PPEF2: variants seen among roughly 807,000 people sequenced by gnomAD.
PPEF2 encodes the protein serine/threonine-protein phosphatase with EF-hands 2.
In PPEF2, 84 loss-of-function variants were observed where a neutral mutation model predicts 84.7. That is an observed-to-expected ratio of 0.99 (90% CI 0.83 to 1.19). PPEF2 has a LOEUF of 1.19. Among genes scored for constraint, PPEF2 ranks in the 50% most tolerant of loss-of-function variants. PPEF2 has a pLI of 0.00. For missense variants in PPEF2, 924 were observed against 937.5 expected (o/e 0.99, Z 0.19); for synonymous variants, 346 against 345.2 (o/e 1.00, Z -0.03).
chr4:75,892,183 C>T (rs1724906681), intron 2 of PPEF2, among the ~76,000 whole-genome samples: 1 of 152,222 alleles, frequency 6.6e-6, no homozygotes, highest in Non-Finnish European at 1.5e-5. Context: ...CCCTCCCCTT[C>T]ATTCCTGCCT....
intron 10 of PPEF2, among the ~76,000 whole-genome samples, chr4:75,879,973 C>A (rs1208188506): frequency 6.6e-6 from 1 of 151,662 alleles, no homozygotes; most frequent in Non-Finnish European, 1.5e-5. Context: ...GGAGTATAGG[C>A]GCGCGTCACC....
intron 11 of PPEF2, 81 bp from the exon 12 acceptor site, chr4:75,873,393 G>A: frequency 1.6e-5 from 20 of 1,263,456 alleles, no homozygotes; most frequent in Non-Finnish European, 2.2e-5. Context: ...AGGAAGAGGA[G>A]GAGGAAAATA....
chr4:75,879,828 A>G (rs1001196954), intron 10 of PPEF2, among the ~76,000 whole-genome samples: 1 of 92,476 alleles, frequency 1.1e-5, no homozygotes, highest in Non-Finnish European at 2.4e-5. Flanking sequence ...AAATGTTATT[A>G]TTTACTTTTA....
intron 7 of PPEF2, among the ~76,000 whole-genome samples, chr4:75,885,809 GA>G (rs1211638541): frequency 1.3e-5 from 2 of 152,158 alleles, no homozygotes; most frequent in African/African-American, 2.4e-5. Flanking sequence ...AGGAGTTCGA[GA>G]CCAGCCCGGC....
chr4:75,864,519 T>G lies in PPEF2; in HGVS notation c.1929A>C (p.Gln643His). ...GATACAATGTTTCCAGCAAACTTGA[T>G]TGTATGTTCTGCAAGAAAAAATTCA... ...AKEQLSRENIQSSLLETLYRN... is the reference protein window; with the variant it reads ...AKEQLSRENIHSSLLETLYRN... The change falls in exon 16 of 17, where the codon CAA (glutamine) becomes CAC (histidine). Residue 643 changes from glutamine (Q) to histidine (H), a missense_variant. Coordinates refer to ENST00000286719, the MANE Select transcript of PPEF2 (RefSeq NM_006239.3). 1 of 1,611,304 alleles carries G rather than the reference T, an allele frequency of 6.2e-7. No homozygotes were observed. Among genetic ancestry groups the G allele is most frequent in the East Asian group, 2.2e-5 (1 of 44,848 alleles).
At position 75,872,055 on chromosome 4, in the gene PPEF2, T is replaced by C. The variant is rs1724293429; in HGVS notation, c.1619A>G (p.Lys540Arg). The C allele has an allele frequency of 1.2e-6, 2 of 1,612,732 alleles. No homozygotes were observed. The highest frequency in any genetic ancestry group is 1.3e-5 in the African/African-American group (1 of 74,820). Residue 540 changes from lysine to arginine, a missense_variant, in exon 13 of 17, where the codon AAG (lysine) becomes AGG (arginine). Lys to Arg is a conservative substitution (Grantham distance 26, BLOSUM62 2). Coordinates refer to ENST00000286719, the MANE Select transcript of PPEF2 (RefSeq NM_006239.3). The stretch of plus-strand genomic sequence containing the variant: ...CCTCATGGTGAGTGTGTGGGTCACC[T>C]TGTTAGCTTGATACTGCACAATATG... ...TPHIVQYQAN[K>R]VTHTLTMRQR...
Position 75,890,253 on chromosome 4 carries a change from A to C in PPEF2, c.242-121T>G, listed in dbSNP as rs1454964102. 5.6e-6 allele frequency: 6 copies of C among 1,063,892 alleles called. No homozygotes were observed. The African/African-American group carries it at 9.4e-5, about 17-fold the overall frequency. 65.9% of individuals were successfully genotyped at this position (1,063,892 alleles called of 1,614,324 possible). On this transcript the variant is annotated intron_variant, in intron 4 of 16. Transcript: ENST00000286719. ...CTAATCCCAGAAATTTGCGGGGCCAAGGAGGGAGGATTGCTTGAGCCCAGG... is the reference window on the plus strand; with the variant it reads ...CTAATCCCAGAAATTTGCGGGGCCACGGAGGGAGGATTGCTTGAGCCCAGG...
chr4:75,877,018 G>GAAAGAAAGAAAGAAAGAAAGAAAA (rs1578006387), intron 10 of PPEF2, among the ~76,000 whole-genome samples: 1 of 148,290 alleles, frequency 6.7e-6, no homozygotes. Context: ...AAGAAAGAAA[G>GAAAGAAAGAAAGAAAGAAAGAAAA]AAAGAAAGAA....
At position 75,872,172 on chromosome 4, in the gene PPEF2, A is replaced by G. The variant is rs1181692351; in HGVS notation, c.1507-5T>C. The G allele has an allele frequency of 1.9e-6, 3 of 1,612,244 alleles. No homozygotes were observed. Among genetic ancestry groups the G allele is most frequent in the South Asian group, 2.2e-5 (2 of 90,710 alleles). ...GGCAGAAAAGATTGTTAATACCTAC[A>G]TCAAAACAGAAGAGAGACAGGTGTT... On this transcript the variant is annotated splice_polypyrimidine_tract_variant and splice_region_variant and intron_variant, in intron 12 of 16. Transcript: ENST00000286719.
At chr4:75,898,981 A>G (rs866832519) in intron 1 of PPEF2, among the ~76,000 whole-genome samples, 4 of 151,988 alleles carry the variant, frequency 2.6e-5, no homozygotes, top group Non-Finnish European at 2.9e-5. Context: ...GTAACATTGT[A>G]CCTGTTAATC....
At chr4:75,891,556 T>A in intron 4 of PPEF2, 92 bp downstream of exon 4, 1 of 1,399,032 alleles carries the variant, frequency 7.1e-7, no homozygotes, top group Non-Finnish European at 9.7e-7. Context: ...TGTCACCAGA[T>A]TCACGGTTTC....
chr4:75,874,774 A>C (rs1724366603), intron 11 of PPEF2, among the ~76,000 whole-genome samples: 1 of 152,080 alleles, frequency 6.6e-6, no homozygotes, highest in South Asian at 2.1e-4. Context: ...AACTAAACTC[A>C]CCATCTCTTT....
Position 75,891,691 on chromosome 4 carries a change from G to A in PPEF2, c.198C>T (p.Phe66=). Residue 66 remains phenylalanine, a synonymous_variant, in exon 4 of 17, where the codon TTC becomes TTT. Transcript: ENST00000286719. ...GGATGAAGTGATCCATGAGATAGCTGAAGAAGTCATGGAGCTGCAGAAGAA... is the reference window on the plus strand; with the variant it reads ...GGATGAAGTGATCCATGAGATAGCTAAAGAAGTCATGGAGCTGCAGAAGAA... ...QQDQVKLHDF[F]SYLMDHFIPS... 6.2e-7 allele frequency: 1 copy of A among 1,612,034 alleles called. No individual in the cohort carries two copies. Among genetic ancestry groups the A allele is most frequent in the East Asian group, 2.2e-5 (1 of 44,876 alleles).
At chr4:75,882,271 A>C (rs1196217981) in intron 10 of PPEF2, among the ~76,000 whole-genome samples, 1 of 152,190 alleles carries the variant, frequency 6.6e-6, no homozygotes, top group Non-Finnish European at 1.5e-5. Flanking sequence ...ATTGATCTTC[A>C]TCTTTTTTTT....
chr4:75,888,396 C>G (rs1215289842), intron 5 of PPEF2, 68 bp from the exon 6 acceptor site: 4 of 1,207,130 alleles, frequency 3.3e-6, no homozygotes, highest in African/African-American at 3.0e-5. Context: ...TGGTCCTTAC[C>G]TTTACTGCTT....
intron 10 of PPEF2, among the ~76,000 whole-genome samples, chr4:75,878,514 G>C: frequency 6.6e-6 from 1 of 152,236 alleles, no homozygotes; most frequent in East Asian, 1.9e-4. Context: ...AGCTTGGACT[G>C]GCTTAGGGCA....
intron 16 of PPEF2, among the ~76,000 whole-genome samples, chr4:75,861,803 G>T (rs1341641967): frequency 7.1e-6 from 1 of 140,524 alleles, no homozygotes; most frequent in Admixed American, 7.5e-5. Flanking sequence ...TAGAGACGGG[G>T]TTTCACCATG....
intron 11 of PPEF2, among the ~76,000 whole-genome samples, chr4:75,874,063 G>A (rs773075010): frequency 4.6e-5 from 7 of 151,848 alleles, no homozygotes; most frequent in Middle Eastern, 3.4e-3. Context: ...AGCAGAGATC[G>A]TGCCACTGCA....
chr4:75,868,528 T>G lies in PPEF2; in HGVS notation c.1650-1109A>C, dbSNP rs146586766. 7.8e-3 allele frequency among the ~76,000 whole-genome samples: 1,190 copies of G among 151,990 alleles called. 6 individuals carry two copies. Among genetic ancestry groups the G allele is most frequent in the Non-Finnish European group, 0.011 (734 of 67,964 alleles). The stretch of plus-strand genomic sequence containing the variant: ...ACAGTCTTTAAGTGGGCTACATAGA[T>G]CCTTAGAAGAGTGTGAACCTAGCCT... On this transcript the variant is annotated intron_variant, in intron 13 of 16. Transcript: ENST00000286719.
Sources: gnomAD v4.1 joint callset for allele counts (sites outside exome capture counted in the v4.1 genomes callset) on GRCh38, gnomAD v4.1.1 for gene constraint, MANE v1.5 for transcripts, NCBI Gene and HGNC (gene_info 2026-07-23, HGNC 2026-07-21) for gene names.